Variants in GRID2 observed in about 807,000 individuals in gnomAD.
GRID2 encodes glutamate receptor ionotropic, delta-2.
GRID2 carries 33 observed loss-of-function variants against 114.8 expected under a neutral mutation model. The ratio of observed to expected loss-of-function variants is 0.29; its 90% CI spans 0.22 to 0.38. The LOEUF (loss-of-function observed/expected upper bound fraction) is 0.38, where lower values mean the gene tolerates loss of function less well. Ranked by LOEUF, GRID2 falls within the 10% of genes least tolerant of loss-of-function variation. The probability of loss-of-function intolerance (pLI) is 1.00; values close to 1 mark genes in which losing one functional copy is unlikely to be tolerated. For synonymous variants in GRID2, 505 were observed against 449.9 expected, an observed-to-expected ratio of 1.12 and a Z score of -1.55; for missense variants, 1,184 against 1,257.7, an observed-to-expected ratio of 0.94 and a Z score of 0.89.
At chr4:92,620,784 G>T (rs148926707) in intron 2 of GRID2, among the ~76,000 whole-genome samples, 1 of 150,948 alleles carries the variant, frequency 6.6e-6, no homozygotes, top group African/African-American at 2.4e-5. Flanking sequence ...ACACACCGGG[G>T]ACTGTTGTGG....
At chr4:93,771,466 C>T (rs1014909196) in intron 15 of GRID2, among the ~76,000 whole-genome samples, 1 of 152,182 alleles carries the variant, frequency 6.6e-6, no homozygotes, top group Non-Finnish European at 1.5e-5. Context: ...GTGCTAGATA[C>T]CTTGAGTGCA....
At position 93,350,712 on chromosome 4, in the gene GRID2, A is replaced by G. The variant is rs187962006; in HGVS notation, c.1246-44895A>G. ...ATAGGGGCTAATAAGTCTTTTTTGA[A>G]GACCAGGAAGCCAAGTGTAAAGCAT... On this transcript the variant is annotated intron_variant, in intron 8 of 15. Coordinates refer to ENST00000282020, the MANE Select transcript of GRID2 (RefSeq NM_001510.4). 8.7e-3 allele frequency among the ~76,000 whole-genome samples: 1,328 copies of G among 152,126 alleles called. 18 individuals carry two copies. Among genetic ancestry groups the G allele is most frequent in the Non-Finnish European group, 0.013 (853 of 67,966 alleles).
intron 4 of GRID2, among the ~76,000 whole-genome samples, chr4:93,173,272 C>CT (rs1739025219): frequency 6.6e-6 from 1 of 152,098 alleles, no homozygotes; most frequent in East Asian, 1.9e-4. Flanking sequence ...AAAAAACAGT[C>CT]TTTTTTCCCA....
At chr4:93,083,535 C>T (rs140829371) in intron 2 of GRID2, among the ~76,000 whole-genome samples, 1 of 151,300 alleles carries the variant, frequency 6.6e-6, no homozygotes, top group East Asian at 2.0e-4. Context: ...CTACTAAAAA[C>T]ACACAAAAAA....
At chr4:92,531,786 G>GTT (rs66531732) in intron 1 of GRID2, among the ~76,000 whole-genome samples, 3 of 151,786 alleles carry the variant, frequency 2.0e-5, no homozygotes, top group East Asian at 3.9e-4. Flanking sequence ...ATAATTCTCA[G>GTT]TTTTTTTTCT....
chr4:92,544,344 T>C (rs1194656406), intron 1 of GRID2, among the ~76,000 whole-genome samples: 1 of 152,194 alleles, frequency 6.6e-6, no homozygotes, highest in Non-Finnish European at 1.5e-5. Context: ...ATGGCTTTTA[T>C]GCTGTTTGAG....
intron 14 of GRID2, among the ~76,000 whole-genome samples, chr4:93,662,682 A>C (rs1723600945): frequency 6.6e-6 from 1 of 152,174 alleles, no homozygotes; most frequent in Non-Finnish European, 1.5e-5. Flanking sequence ...TTAAATTGGG[A>C]GCAATGTTTG....
intron 1 of GRID2, among the ~76,000 whole-genome samples, chr4:92,562,188 T>A (rs529362827): frequency 6.6e-6 from 1 of 152,296 alleles, no homozygotes; most frequent in Non-Finnish European, 1.5e-5. Flanking sequence ...TGTAACAACA[T>A]GAAATCTCCT....
chr4:92,338,130 C>T (rs1387359907), intron 1 of GRID2, among the ~76,000 whole-genome samples: 1 of 152,044 alleles, frequency 6.6e-6, no homozygotes, highest in African/African-American at 2.4e-5. Context: ...TTGATATATA[C>T]TTCAGAGGGA....
At chr4:92,719,248 A>C (rs1735698525) in intron 2 of GRID2, among the ~76,000 whole-genome samples, 1 of 152,074 alleles carries the variant, frequency 6.6e-6, no homozygotes, top group Non-Finnish European at 1.5e-5. Flanking sequence ...CAGTCTCCCA[A>C]AGTGCTGGGA....
intron 2 of GRID2, among the ~76,000 whole-genome samples, chr4:92,714,299 G>A (rs1735423008): frequency 6.6e-6 from 1 of 152,200 alleles, no homozygotes; most frequent in Non-Finnish European, 1.5e-5. Context: ...GGTTCCCACA[G>A]TCTTGGGGGC....
chr4:93,359,955 C>A (rs1280796443), intron 8 of GRID2, among the ~76,000 whole-genome samples: 1 of 137,224 alleles, frequency 7.3e-6, no homozygotes, highest in Non-Finnish European at 1.5e-5. Context: ...CTTTTATATT[C>A]TCTGCAATCT....
At chr4:92,401,006 G>A (rs574435685) in intron 1 of GRID2, among the ~76,000 whole-genome samples, 1 of 152,182 alleles carries the variant, frequency 6.6e-6, no homozygotes, top group South Asian at 2.1e-4. Context: ...AATCAAATAT[G>A]ATTTGCAAAA....
At chr4:93,580,667 C>A (rs1315093813) in intron 13 of GRID2, among the ~76,000 whole-genome samples, 2 of 152,044 alleles carry the variant, frequency 1.3e-5, no homozygotes, top group African/African-American at 4.8e-5. Context: ...AAACACTCTG[C>A]AAAGCATTAC....
intron 10 of GRID2, among the ~76,000 whole-genome samples, chr4:93,423,918 G>A (rs993433853): frequency 6.6e-6 from 1 of 151,710 alleles, no homozygotes; most frequent in African/African-American, 2.4e-5. Context: ...TTTTCTTGGG[G>A]TTAATTAAAT....
intron 14 of GRID2, among the ~76,000 whole-genome samples, chr4:93,697,314 T>A (rs181606356): frequency 7.9e-5 from 12 of 152,252 alleles, no homozygotes; most frequent in Admixed American, 6.5e-4. Flanking sequence ...CTTCACACAC[T>A]ATGGTTGAAG....
In GRID2 at chr4:93,455,903, A is replaced by G. The variant is rs750734936; in HGVS notation, c.1787A>G (p.Gln596Arg). 9 of 1,611,308 alleles carry G rather than the reference A, an allele frequency of 5.6e-6. No individual in the cohort carries two copies. The highest frequency in any genetic ancestry group is 2.7e-5 in the African/African-American group (2 of 74,848). The change falls in exon 11 of 16, where the codon CAA becomes CGA. Residue 596 changes from glutamine (Q) to arginine (R), a missense_variant. By Grantham distance (43) the Gln-to-Arg change is conservative. Transcript: ENST00000282020. ...AACTGGCTTAATCCCCCACGATTAC[A>G]AATGGGATCAATGACGTCTACTACT... is the stretch of plus-strand genomic sequence containing the variant. ...LLNWLNPPRL[Q>R]MGSMTSTTLY...
At chr4:93,277,350 C>T (rs749503227) in intron 8 of GRID2, among the ~76,000 whole-genome samples, 13 of 151,934 alleles carry the variant, frequency 8.6e-5, no homozygotes, top group African/African-American at 1.7e-4. Flanking sequence ...TTTAACAGTT[C>T]GCATACTTTA....
At chr4:92,689,291 C>T (rs755838442) in intron 2 of GRID2, among the ~76,000 whole-genome samples, 1 of 152,222 alleles carries the variant, frequency 6.6e-6, no homozygotes, top group Non-Finnish European at 1.5e-5. Flanking sequence ...TGAAGCCAGG[C>T]ACTGACTTCT....
Sources: gnomAD v4.1 joint callset for allele counts (sites outside exome capture counted in the v4.1 genomes callset) on GRCh38, gnomAD v4.1.1 for gene constraint, MANE v1.5 for transcripts, NCBI Gene and HGNC (gene_info 2026-07-23, HGNC 2026-07-21) for gene names.